KCND2: variants seen among roughly 807,000 people sequenced by gnomAD.
KCND2 encodes potassium voltage-gated channel subfamily D member 2, also known as A-type voltage-gated potassium channel KCND2.
Under a neutral mutation model 54.4 loss-of-function variants are expected in KCND2, and 16 were observed. The ratio of observed to expected loss-of-function variants is 0.29; its 90% confidence interval spans 0.20 to 0.45. The LOEUF is 0.45. Among genes scored for constraint, KCND2 ranks in the 20% least tolerant of loss-of-function variants. The probability of loss-of-function intolerance (pLI) is 1.00; values close to 1 mark genes in which losing one functional copy is unlikely to be tolerated. For missense variants in KCND2, 486 were observed against 824.2 expected (o/e 0.59, Z 5.02); for synonymous variants, 317 against 310.7 (o/e 1.02, Z -0.21).
intron 1 of KCND2, among the ~76,000 whole-genome samples, chr7:120,613,531 G>C (rs574765933): frequency 6.6e-6 from 1 of 151,876 alleles, no homozygotes; most frequent in Non-Finnish European, 1.5e-5. Context: ...ACTCCATCTT[G>C]GGGGGGAAGA....
chr7:120,716,523 TA>T (rs1366041440), intron 1 of KCND2, among the ~76,000 whole-genome samples: 1 of 152,140 alleles, frequency 6.6e-6, no homozygotes, highest in African/African-American at 2.4e-5. Flanking sequence ...ACAGGGTCTC[TA>T]AGGCATAATG....
chr7:120,607,402 A>C lies in KCND2; in HGVS notation c.1116-125501A>C, dbSNP rs369576918. Among the ~76,000 whole-genome samples, 27 of 152,274 alleles carry C rather than the reference A, an allele frequency of 1.8e-4. 1 individual carries two copies. The highest frequency in any genetic ancestry group is 6.5e-4 in the African/African-American group (27 of 41,570). On this transcript the variant is annotated intron_variant, in intron 1 of 5. Transcript: ENST00000331113. Reference sequence around the variant, plus strand: ...GATATTAAATATTCATGGACATTCTATTTAAAAGATCTGTAGGGTAAGAAA... The same window carrying C: ...GATATTAAATATTCATGGACATTCTCTTTAAAAGATCTGTAGGGTAAGAAA...
Position 120,733,037 on chromosome 7 carries a change from A to G in KCND2, c.1250A>G (p.Gln417Arg). Residue 417 changes from glutamine to arginine, a missense_variant, in exon 2 of 6, where the codon CAA (glutamine) becomes CGA (arginine). Physicochemically the swap from Gln to Arg is conservative, Grantham distance 43. This residue lies in a region of KCND2 where 11 missense variants were observed against 21.4 expected (regional missense o/e 0.51). Coordinates refer to ENST00000331113, the MANE Select transcript of KCND2 (RefSeq NM_012281.3). ...SNFSRIYHQN[Q>R]RADKRRAQKK... ...TTCAGTCGCATCTACCACCAGAATC[A>G]ACGAGCAGACAAACGAAGGGCACAA... is the stretch of plus-strand genomic sequence containing the variant. 1 of 1,613,610 alleles carries G rather than the reference A, an allele frequency of 6.2e-7. No individual in the cohort carries two copies. The highest frequency in any genetic ancestry group is 1.1e-5 in the South Asian group (1 of 91,076).
intron 1 of KCND2, among the ~76,000 whole-genome samples, chr7:120,440,247 A>G (rs1801928606): frequency 6.6e-6 from 1 of 152,022 alleles, no homozygotes; most frequent in African/African-American, 2.4e-5. Context: ...TCTGAATATT[A>G]GGATTTTTAA....
chr7:120,567,008 T>G (rs1792307383), intron 1 of KCND2, among the ~76,000 whole-genome samples: 1 of 151,924 alleles, frequency 6.6e-6, no homozygotes, highest in Non-Finnish European at 1.5e-5. Flanking sequence ...TGTATAAACC[T>G]GTGTTGCATT....
chr7:120,498,661 G>A (rs1802887147), intron 1 of KCND2, among the ~76,000 whole-genome samples: 1 of 151,902 alleles, frequency 6.6e-6, no homozygotes, highest in Admixed American at 6.6e-5. Flanking sequence ...TGTAATTCCA[G>A]CTACTCAGGA....
intron 1 of KCND2, among the ~76,000 whole-genome samples, chr7:120,414,286 C>T (rs1801495257): frequency 1.3e-5 from 2 of 152,014 alleles, no homozygotes; most frequent in Non-Finnish European, 1.5e-5. Flanking sequence ...AGTGGATTAT[C>T]CTACTTTTCA....
At chr7:120,421,167 G>A (rs1396695832) in intron 1 of KCND2, among the ~76,000 whole-genome samples, 1 of 152,170 alleles carries the variant, frequency 6.6e-6, no homozygotes, top group Admixed American at 6.5e-5. Context: ...TGCCACTTCT[G>A]TTAATGTCAG....
In KCND2 at chr7:120,604,423, G is replaced by A. The variant is rs555205347; in HGVS notation, c.1116-128480G>A. Among the ~76,000 whole-genome samples the A allele has an allele frequency of 4.6e-5, 7 of 150,966 alleles. No homozygotes were observed. The East Asian group carries it at 5.8e-4, about 13-fold the overall frequency. On this transcript the variant is annotated intron_variant, in intron 1 of 5. Coordinates refer to ENST00000331113, the MANE Select transcript of KCND2 (RefSeq NM_012281.3). ...TGAGGCAGGAGAATCACTTCAACCC[G>A]GGGCGGGCAGTGGAGGTTGTAGTGA...
rs116741592 is a variant in KCND2, at chr7:120,440,513, T to C, written c.1115+164766T>C. On this transcript the variant is annotated intron_variant, in intron 1 of 5. Coordinates refer to ENST00000331113, the MANE Select transcript of KCND2 (RefSeq NM_012281.3). ...TTTGGTGTAATCCCATTTGTCTATG[T>C]TGGCTTTTTTAGTCTGTGCTTTTGA... 8.2e-3 allele frequency among the ~76,000 whole-genome samples: 1,246 copies of C among 152,200 alleles called. 13 individuals are homozygous for C. The highest frequency in any genetic ancestry group is 0.028 in the African/African-American group (1,182 of 41,568).
At chr7:120,304,136 A>G (rs1283801401) in intron 1 of KCND2, among the ~76,000 whole-genome samples, 1 of 152,192 alleles carries the variant, frequency 6.6e-6, no homozygotes, top group Admixed American at 6.5e-5. Context: ...TGTCACTACC[A>G]CATCAGCATA....
At chr7:120,596,940 C>T (rs908672547) in intron 1 of KCND2, among the ~76,000 whole-genome samples, 19 of 152,272 alleles carry the variant, frequency 1.2e-4, no homozygotes, top group African/African-American at 3.4e-4. Flanking sequence ...GAATATATAT[C>T]GATTTCACAG....
chr7:120,454,570 CA>C (rs1243604159), intron 1 of KCND2, among the ~76,000 whole-genome samples: 3 of 152,038 alleles, frequency 2.0e-5, no homozygotes, highest in Non-Finnish European at 2.9e-5. Context: ...AAAAGCTTAC[CA>C]ACCGGAAAAA....
At chr7:120,698,221 G>A (rs1015338228) in intron 1 of KCND2, among the ~76,000 whole-genome samples, 1 of 151,902 alleles carries the variant, frequency 6.6e-6, no homozygotes, top group African/African-American at 2.4e-5. Flanking sequence ...TGCCATGTTG[G>A]CCAGGCTGGT....
intron 1 of KCND2, among the ~76,000 whole-genome samples, chr7:120,645,153 G>A (rs1793423530): frequency 6.6e-6 from 1 of 152,212 alleles, no homozygotes; most frequent in African/African-American, 2.4e-5. Flanking sequence ...TAAATAAAGT[G>A]ATGGAATCAA....
At chr7:120,663,129 G>T (rs151317508) in intron 1 of KCND2, among the ~76,000 whole-genome samples, 1 of 152,244 alleles carries the variant, frequency 6.6e-6, no homozygotes, top group African/African-American at 2.4e-5. Context: ...GTACATGGTA[G>T]GTTGAACGTA....
chr7:120,585,690 G>C (rs767007515), intron 1 of KCND2, among the ~76,000 whole-genome samples: 1 of 152,066 alleles, frequency 6.6e-6, no homozygotes, highest in African/African-American at 2.4e-5. Context: ...CAGGAAGCAG[G>C]GAAGGGAATC....
At chr7:120,480,572 G>T (rs1473627982) in intron 1 of KCND2, among the ~76,000 whole-genome samples, 1 of 152,176 alleles carries the variant, frequency 6.6e-6, no homozygotes, top group African/African-American at 2.4e-5. Context: ...ATGCAGAATG[G>T]ATTAATGCTG....
chr7:120,653,463 G>T (rs140648641), intron 1 of KCND2, among the ~76,000 whole-genome samples: 1 of 152,218 alleles, frequency 6.6e-6, no homozygotes, highest in African/African-American at 2.4e-5. Context: ...CGTTGACCTG[G>T]ATTGGACCTG....
Sources: gnomAD v4.1 joint callset for allele counts (sites outside exome capture counted in the v4.1 genomes callset) on GRCh38, gnomAD v4.1.1 for gene constraint, gnomAD v4.1.1 regional missense constraint, MANE v1.5 for transcripts, NCBI Gene and HGNC (gene_info 2026-07-23, HGNC 2026-07-21) for gene names.